The following RETREG1 variants were observed in gnomAD, a reference collection of about 807,000 sequenced individuals.
The protein encoded by RETREG1 is reticulophagy regulator 1, also known as family with sequence similarity 134 member B.
Under a neutral mutation model 54.8 loss-of-function variants are expected in RETREG1, and 44 were observed. That is an observed-to-expected ratio of 0.80 (90% CI 0.63 to 1.03). The LOEUF (loss-of-function observed/expected upper bound fraction) is 1.03, where lower values mean the gene tolerates loss of function less well. Ranked by LOEUF, RETREG1 falls within the 50% of genes least tolerant of loss-of-function variation. RETREG1 has a pLI of 0.00. For synonymous variants in RETREG1, 217 were observed against 238.5 expected (o/e 0.91, Z 0.83); for missense variants, 554 against 605.1 (o/e 0.92, Z 0.89).
At chr5:16,569,517 C>T (rs544654700) in intron 2 of RETREG1, among the ~76,000 whole-genome samples, 1 of 152,228 alleles carries the variant, frequency 6.6e-6, no homozygotes, top group South Asian at 2.1e-4. Context: ...ACACAAACCC[C>T]ATGTGGCCCT....
At chr5:16,487,803 G>A (rs984652651) in intron 3 of RETREG1, among the ~76,000 whole-genome samples, 10 of 152,222 alleles carry the variant, frequency 6.6e-5, no homozygotes, top group Non-Finnish European at 1.5e-4. Context: ...TGGCTCCTTA[G>A]ATAAGCAAAC....
intron 3 of RETREG1, among the ~76,000 whole-genome samples, chr5:16,502,964 C>G (rs1300488347): frequency 6.6e-5 from 10 of 152,226 alleles, no homozygotes; most frequent in Non-Finnish European, 1.5e-4. Context: ...TTTGTCCTGT[C>G]AGTCACCAAG....
intron 2 of RETREG1, among the ~76,000 whole-genome samples, chr5:16,568,985 G>A (rs531113428): frequency 1.3e-5 from 2 of 152,162 alleles, no homozygotes; most frequent in Non-Finnish European, 2.9e-5. Context: ...CATTGTCGTT[G>A]CTATAAGCCG....
At chr5:16,510,814 ACAAC>A (rs1263660151) in intron 3 of RETREG1, among the ~76,000 whole-genome samples, 6 of 100,562 alleles carry the variant, frequency 6.0e-5, no homozygotes, top group South Asian at 3.7e-4. Context: ...AACAACAACA[ACAAC>A]AAAAAAAAAA....
At chr5:16,554,553 A>G (rs921065615) in intron 3 of RETREG1, among the ~76,000 whole-genome samples, 1 of 152,214 alleles carries the variant, frequency 6.6e-6, no homozygotes, top group Non-Finnish European at 1.5e-5. Flanking sequence ...AAATAATGTA[A>G]TAAGGGTGAA....
rs148413515 is a variant in RETREG1, at chr5:16,574,983, A to G, written c.321-2881T>C. Among the ~76,000 whole-genome samples the G allele has an allele frequency of 2.2e-3, 339 of 152,278 alleles. 2 individuals carry two copies. The highest frequency in any genetic ancestry group is 8.0e-3 in the African/African-American group (333 of 41,556). On this transcript the variant is annotated intron_variant, in intron 1 of 8. Transcript: ENST00000306320. Reference sequence around the variant, plus strand: ...TCTTGTTTGTTTTAAGCAAGGTTGCATTCTGGTGTTTGCTTGGTTTGGGGC... The same window carrying G: ...TCTTGTTTGTTTTAAGCAAGGTTGCGTTCTGGTGTTTGCTTGGTTTGGGGC...
At chr5:16,536,187 C>T (rs1382754191) in intron 3 of RETREG1, among the ~76,000 whole-genome samples, 1 of 152,202 alleles carries the variant, frequency 6.6e-6, no homozygotes, top group Admixed American at 6.5e-5. Flanking sequence ...TAAACTCCCA[C>T]CTACTTCACT....
chr5:16,560,488 T>C (rs372669472), intron 3 of RETREG1, among the ~76,000 whole-genome samples: 2 of 152,080 alleles, frequency 1.3e-5, no homozygotes, highest in African/African-American at 4.8e-5. Flanking sequence ...TGAAACGCCA[T>C]GGAAAAAAAG....
chr5:16,607,831 C>A (rs1184348775), intron 1 of RETREG1, among the ~76,000 whole-genome samples: 2 of 151,748 alleles, frequency 1.3e-5, no homozygotes, highest in Admixed American at 6.6e-5. Flanking sequence ...CCCTAGCAAG[C>A]ACATAAATCT....
intron 3 of RETREG1, among the ~76,000 whole-genome samples, chr5:16,531,849 C>G (rs894780811): frequency 3.5e-4 from 53 of 152,178 alleles, no homozygotes; most frequent in African/African-American, 1.2e-3. Flanking sequence ...TTTCTCAACA[C>G]AAGCAGTGAG....
At chr5:16,483,209 A>T (rs1406087726) in intron 4 of RETREG1, 137 bp downstream of exon 4, 1 of 988,708 alleles carries the variant, frequency 1.0e-6, no homozygotes, top group East Asian at 2.4e-5. Context: ...CCTTGCTGAT[A>T]CCAGCTTTTA....
chr5:16,483,076 T>C, intron 4 of RETREG1: 1 of 415,462 alleles, frequency 2.4e-6, no homozygotes, highest in Non-Finnish European at 4.4e-6. Flanking sequence ...GTCTTGCTGA[T>C]AAGACCAATC....
chr5:16,572,083 A>G lies in RETREG1; in HGVS notation c.340T>C (p.Trp114Arg). 5 of 1,613,148 alleles carry G rather than the reference A, an allele frequency of 3.1e-6. No homozygotes were observed. In the South Asian group the frequency reaches 4.4e-5, roughly 14 times the overall value. Residue 114 changes from tryptophan to arginine, a missense_variant, in exon 2 of 9, where the codon TGG (tryptophan) becomes CGG (arginine). Trp to Arg is a moderately radical substitution (Grantham distance 101, BLOSUM62 -3). Coordinates refer to ENST00000306320, the MANE Select transcript of RETREG1 (RefSeq NM_001034850.3). ...ACGGAAATCAGGTGATATACTCTCC[A>G]TGGAGTCAATGCAAGGAACCTGCAA... is the stretch of plus-strand genomic sequence containing the variant. The part of the protein sequence containing the change: ...LLFWFLALTP[W>R]RVYHLISVMI...
At chr5:16,569,447 C>T (rs1742112685) in intron 2 of RETREG1, among the ~76,000 whole-genome samples, 1 of 152,150 alleles carries the variant, frequency 6.6e-6, no homozygotes, top group African/African-American at 2.4e-5. Flanking sequence ...CCACAGGGAG[C>T]CCAGCACCCA....
Position 16,599,485 on chromosome 5 carries a change from ATTC to A in RETREG1, c.320+17164_320+17166del, listed in dbSNP as rs961681217. On this transcript the variant is annotated intron_variant, in intron 1 of 8. Transcript: ENST00000306320. ...TTGGAAAAGAAATGGGAAAAGAGAA[ATTC>A]TTCTTCTCAAGGGAGGTGAGCAGAG... 4.6e-5 allele frequency among the ~76,000 whole-genome samples: 7 copies of A among 152,214 alleles called. 1 individual carries two copies. The highest frequency in any genetic ancestry group is 1.0e-4 in the Non-Finnish European group (7 of 68,032).
intron 5 of RETREG1, 136 bp downstream of exon 5, chr5:16,480,873 A>G: frequency 1.5e-6 from 1 of 675,358 alleles, no homozygotes; most frequent in Non-Finnish European, 2.7e-6. Flanking sequence ...GAAACTTTGT[A>G]CAGCAGGAGA....
intron 3 of RETREG1, among the ~76,000 whole-genome samples, chr5:16,522,027 G>A (rs886372881): frequency 6.6e-6 from 1 of 152,168 alleles, no homozygotes; most frequent in Non-Finnish European, 1.5e-5. Context: ...TTCACCTGCT[G>A]ACCCAGCCTT....
At chr5:16,554,212 G>A (rs1741624873) in intron 3 of RETREG1, among the ~76,000 whole-genome samples, 4 of 152,154 alleles carry the variant, frequency 2.6e-5, no homozygotes, top group Non-Finnish European at 4.4e-5. Context: ...AAAGACACTC[G>A]GCCTGGCTGG....
At chr5:16,512,109 G>A (rs916029911) in intron 3 of RETREG1, among the ~76,000 whole-genome samples, 1 of 152,174 alleles carries the variant, frequency 6.6e-6, no homozygotes, top group Non-Finnish European at 1.5e-5. Context: ...TCACCCTGCT[G>A]GGGACTAAGG....
Sources: allele counts gnomAD v4.1 joint callset (sites outside exome capture counted in the v4.1 genomes callset), GRCh38; gene constraint gnomAD v4.1.1; transcripts MANE v1.5; gene names NCBI Gene and HGNC (gene_info 2026-07-23, HGNC 2026-07-21).